Variants in OGFOD3 observed in about 807,000 individuals in gnomAD.
OGFOD3 encodes 2-oxoglutarate and iron dependent oxygenase domain containing 3.
In OGFOD3, 35 loss-of-function variants were observed where a neutral mutation model predicts 39.8. That is an observed-to-expected ratio of 0.88 (90% CI 0.67 to 1.17). OGFOD3 has a LOEUF of 1.17. Among genes scored for constraint, OGFOD3 ranks in the 50% most tolerant of loss-of-function variants. The probability of loss-of-function intolerance (pLI) is 0.00; values close to 1 mark genes in which losing one functional copy is unlikely to be tolerated. For missense variants in OGFOD3, 438 were observed against 454.5 expected, an observed-to-expected ratio of 0.96 and a Z score of 0.33; for synonymous variants, 200 against 192.0, an observed-to-expected ratio of 1.04 and a Z score of -0.34.
At chr17:82,414,817 A>G (rs1362812764) in intron 2 of OGFOD3, among the ~76,000 whole-genome samples, 2 of 152,262 alleles carry the variant, frequency 1.3e-5, no homozygotes, top group African/African-American at 4.8e-5. Flanking sequence ...GGTGGCATGG[A>G]ATGTTCAAGA....
Position 82,415,556 on chromosome 17 carries a change from AGGCCCGCGGTCCTTAGCCAC to A in OGFOD3, c.126_145del (p.Trp43GlyfsTer43). The A allele has an allele frequency of 6.2e-7, 1 of 1,613,428 alleles. No individual in the cohort carries two copies. Among genetic ancestry groups the A allele is most frequent in the Non-Finnish European group, 8.5e-7 (1 of 1,179,930 alleles). On this transcript the variant is annotated frameshift_variant, in exon 2 of 9. Coordinates refer to ENST00000313056, the MANE Select transcript of OGFOD3 (RefSeq NM_024648.3). LOFTEE classifies it high-confidence loss of function. The surrounding 1 kb of genome is among the most constrained non-coding windows in gnomAD (Gnocchi z 5.3). ...TGCGGTGAGCACAAAGCCAGCCCCC[AGGCCCGCGGTCCTTAGCCAC>A]GGCCTCTGCCACAGCCTCTGCACCT...
chr17:82,398,048 G>T, intron 8 of OGFOD3, 148 bp downstream of exon 8: 1 of 996,846 alleles, frequency 1.0e-6, no homozygotes. Context: ...GTTGGGACTG[G>T]CGCTAGACCT....
chr17:82,396,089 A>T (rs2052668389), intron 8 of OGFOD3, among the ~76,000 whole-genome samples: 1 of 152,218 alleles, frequency 6.6e-6, no homozygotes, highest in African/African-American at 2.4e-5. Flanking sequence ...GTAAACACAG[A>T]TACACACAAT....
intron 8 of OGFOD3, chr17:82,396,598 T>G (rs1271903757): frequency 1.3e-5 from 2 of 152,226 alleles, no homozygotes; most frequent in African/African-American, 4.8e-5. Flanking sequence ...TACAAAATGT[T>G]TGACTCAAGT....
chr17:82,403,944 ACGTGCGCATGCCAGTACTCGT>A lies in OGFOD3; in HGVS notation c.671_691del (p.Asp224_His230del). ...GCCCACGGGCGCGCTCACCTTGTCC[ACGTGCGCATGCCAGTACTCGT>A]CGTGCGCCGTCCGCGCTTCCGTGCT... On this transcript the variant is annotated inframe_deletion, in exon 7 of 9. Transcript: ENST00000313056. 2.5e-6 allele frequency: 4 copies of A among 1,603,766 alleles called. No individual in the cohort carries two copies. The East Asian group carries it at 9.0e-5, about 36-fold the overall frequency.
intron 7 of OGFOD3, chr17:82,401,439 G>C (rs1024659630): frequency 6.6e-6 from 1 of 152,052 alleles, no homozygotes; most frequent in African/African-American, 2.4e-5. Context: ...ACCACACCCG[G>C]CCCTGGGTTT....
rs1477240853 is a variant in OGFOD3, at chr17:82,392,769, ACT to A, written c.824-237_824-236del. On this transcript the variant is annotated intron_variant, in intron 8 of 8. Coordinates refer to ENST00000313056, the MANE Select transcript of OGFOD3 (RefSeq NM_024648.3). The surrounding 1 kb of genome is among the most constrained non-coding windows in gnomAD (Gnocchi z 4.2). ...GAGGGGCCCCCCGGGGCCAGCAGGG[ACT>A]CTGTGGTGGGCAGGACAGAGGAAGA... The A allele has an allele frequency of 3.5e-6, 2 of 568,564 alleles. No homozygotes were observed. Among genetic ancestry groups the A allele is most frequent in the Non-Finnish European group, 6.2e-6 (2 of 322,200 alleles). 35.2% of individuals were successfully genotyped at this position (568,564 alleles called of 1,614,324 possible).
At chr17:82,405,481 A>C in intron 5 of OGFOD3, 101 bp from the exon 6 acceptor site, 6 of 983,728 alleles carry the variant, frequency 6.1e-6, no homozygotes, top group Non-Finnish European at 6.5e-6. Flanking sequence ...AAATCAACTC[A>C]CACATTCAGA....
intron 1 of OGFOD3, among the ~76,000 whole-genome samples, chr17:82,417,982 C>T (rs908957700): frequency 2.6e-5 from 4 of 152,336 alleles, no homozygotes; most frequent in Middle Eastern, 3.4e-3. Context: ...CCATGGCACC[C>T]GATCCTCTAG....
intron 4 of OGFOD3, among the ~76,000 whole-genome samples, chr17:82,408,570 G>A (rs2052893205): frequency 6.6e-6 from 1 of 150,716 alleles, no homozygotes; most frequent in Non-Finnish European, 1.5e-5. Flanking sequence ...TAGAGCCCAG[G>A]AGTCTAAAAT....
chr17:82,405,537 G>C (rs534469038), intron 5 of OGFOD3, among the ~76,000 whole-genome samples, 157 bp from the exon 6 acceptor site: 1 of 152,358 alleles, frequency 6.6e-6, no homozygotes, highest in East Asian at 1.9e-4. Context: ...GAGCCGGGCC[G>C]GGCGCAGTGG....
intron 4 of OGFOD3, among the ~76,000 whole-genome samples, chr17:82,408,733 G>C (rs982462076): frequency 6.6e-6 from 1 of 152,094 alleles, no homozygotes; most frequent in East Asian, 1.9e-4. Flanking sequence ...TCTCCTATAG[G>C]CACTTGCCAT....
At chr17:82,410,443 C>T (rs1404391779) in intron 3 of OGFOD3, among the ~76,000 whole-genome samples, 1 of 152,248 alleles carries the variant, frequency 6.6e-6, no homozygotes, top group Non-Finnish European at 1.5e-5. Flanking sequence ...CTCTGAGTGG[C>T]ATCCTGTGCT....
intron 7 of OGFOD3, among the ~76,000 whole-genome samples, chr17:82,403,346 C>T (rs1415103554): frequency 6.6e-6 from 1 of 152,010 alleles, no homozygotes. Context: ...TAAATGCTTA[C>T]ACCCACCGGG....
chr17:82,389,245 T>C lies in OGFOD3; in HGVS notation c.*3153A>G, dbSNP rs1180236817. 1 of 152,156 alleles carries C rather than the reference T, an allele frequency of 6.6e-6. No homozygotes were observed. Among genetic ancestry groups the C allele is most frequent in the African/African-American group, 2.4e-5 (1 of 41,426 alleles). 9.4% of individuals were successfully genotyped at this position (152,156 alleles called of 1,614,324 possible). On this transcript the variant is annotated 3_prime_UTR_variant, in exon 9 of 9. Coordinates refer to ENST00000313056, the MANE Select transcript of OGFOD3 (RefSeq NM_024648.3). The surrounding 1 kb of genome is among the most constrained non-coding windows in gnomAD (Gnocchi z 4.6). ...AGATTCTTTATTTTGAAAGGAATAA[T>C]CATCTTTGACTTTAATGAAACACTT...
At chr17:82,418,296 C>CCCCCCCCACCCCCCCA (rs936870289) in intron 1 of OGFOD3, 116 bp downstream of exon 1, 3 of 52,750 alleles carry the variant, frequency 5.7e-5, no homozygotes, top group African/African-American at 4.6e-4. Flanking sequence ...GCCCACCTGC[C>CCCCCCCCACCCCCCCA]CCCCCCCACC....
rs900042363 is a variant in OGFOD3 at position 82,391,817 on chromosome 17, C to T, written c.*581G>A. The T allele has an allele frequency of 6.5e-6, 1 of 153,038 alleles. No homozygotes were observed. The highest frequency in any genetic ancestry group is 1.9e-4 in the East Asian group (1 of 5,194). The allele number at this position is 153,038 out of a possible 1,614,324, so 9.5% of individuals were successfully genotyped here. A position where few individuals can be genotyped will look rare whatever the true frequency, so the allele number is the denominator to read the frequency against. ...CCGTGGCCCACGGTGATTTGTGGGCCAGCAGCATTGGGGGTGCACGCAGGG... is the reference window on the plus strand; with the variant it reads ...CCGTGGCCCACGGTGATTTGTGGGCTAGCAGCATTGGGGGTGCACGCAGGG... On this transcript the variant is annotated 3_prime_UTR_variant, in exon 9 of 9. Transcript: ENST00000313056. The surrounding 1 kb of genome is among the most constrained non-coding windows in gnomAD (Gnocchi z 5.1).
intron 1 of OGFOD3, 179 bp downstream of exon 1, chr17:82,418,233 T>A: frequency 9.4e-5 from 34 of 361,320 alleles, no homozygotes; most frequent in East Asian, 3.0e-4. Context: ...CGCCCGCACC[T>A]GCCCTGCTCC....
In OGFOD3 at chr17:82,402,443, AG is replaced by A. The variant is rs533060516; in HGVS notation, c.699+1493del. 3.0e-3 allele frequency among the ~76,000 whole-genome samples: 457 copies of A among 150,846 alleles called. 8 individuals carry two copies. The highest frequency in any genetic ancestry group is 3.9e-3 in the Non-Finnish European group (263 of 67,766). On this transcript the variant is annotated intron_variant, in intron 7 of 8. Transcript: ENST00000313056. ...GAACAAGACTGTCTCAAAAAAAAAAAGAAAGAAAGAAAGAAAGAAAAGGCTG... is the reference window on the plus strand; with the variant it reads ...GAACAAGACTGTCTCAAAAAAAAAAAAAAGAAAGAAAGAAAGAAAAGGCTG...
Sources: gnomAD v4.1 joint callset for allele counts (sites outside exome capture counted in the v4.1 genomes callset) on GRCh38, gnomAD v4.1.1 for gene constraint, Gnocchi (gnomAD v3.1) non-coding constraint, MANE v1.5 for transcripts, NCBI Gene and HGNC (gene_info 2026-07-23, HGNC 2026-07-21) for gene names.